PATJ: variants seen among roughly 807,000 people sequenced by gnomAD.
PATJ encodes PATJ crumbs cell polarity complex component, also known as inaD-like protein.
PATJ carries 190 observed loss-of-function variants against 224.9 expected under a neutral mutation model. The observed-to-expected ratio is 0.84, with a 90% CI of 0.75 to 0.95. PATJ has a LOEUF of 0.95. Ranked by LOEUF, PATJ falls within the 40% of genes least tolerant of loss-of-function variation. The probability of loss-of-function intolerance (pLI) is 0.00; values close to 1 mark genes in which losing one functional copy is unlikely to be tolerated. For missense variants in PATJ, 2,121 were observed against 2,270.3 expected (o/e 0.93, Z 1.34); for synonymous variants, 769 against 820.3 (o/e 0.94, Z 1.07).
At chr1:62,062,827 TCCTTTG>T (rs1194497766) in intron 31 of PATJ, among the ~76,000 whole-genome samples, 6 of 152,128 alleles carry the variant, frequency 3.9e-5, no homozygotes, top group African/African-American at 1.4e-4. Context: ...TGTGTTCTTG[TCCTTTG>T]CCTTTGCCTG....
At chr1:61,874,354 T>A (rs1208141049) in intron 20 of PATJ, among the ~76,000 whole-genome samples, 2 of 152,062 alleles carry the variant, frequency 1.3e-5, no homozygotes, top group Non-Finnish European at 2.9e-5. Flanking sequence ...TGCACCACCA[T>A]GCCTGGCTAA....
In PATJ at chr1:61,972,634, TAAGG is replaced by T. The variant is rs1414128581; in HGVS notation, c.3671-17529_3671-17526del. ...ACTTTAAGACACTCTCTATAAGAAA[TAAGG>T]AAGGGAAGTTTTGGCTGTGAGGGAG... On this transcript the variant is annotated intron_variant, in intron 27 of 43. Coordinates refer to ENST00000642238, the MANE Select transcript of PATJ (RefSeq NM_001350145.3). 5.9e-5 allele frequency among the ~76,000 whole-genome samples: 9 copies of T among 152,134 alleles called. No homozygotes were observed. In the South Asian group the frequency reaches 1.9e-3, roughly 32 times the overall value.
chr1:61,941,434 C>G (rs866992378), intron 27 of PATJ, among the ~76,000 whole-genome samples: 2 of 152,094 alleles, frequency 1.3e-5, no homozygotes, highest in African/African-American at 4.8e-5. Flanking sequence ...GCAGATCTCT[C>G]GAGATCAGGA....
chr1:61,919,420 G>A (rs2149254307), intron 26 of PATJ, among the ~76,000 whole-genome samples: 1 of 151,274 alleles, frequency 6.6e-6, no homozygotes, highest in South Asian at 2.1e-4. Context: ...CCTCCCATCT[G>A]AGCCTCCCAA....
chr1:61,969,812 G>A (rs1682691228), intron 27 of PATJ, among the ~76,000 whole-genome samples: 2 of 152,094 alleles, frequency 1.3e-5, no homozygotes, highest in African/African-American at 4.8e-5. Flanking sequence ...TCGTGCCTCA[G>A]CCGCCTGAGT....
At position 61,814,450 on chromosome 1, in the gene PATJ, T is replaced by C. The variant is rs77243018; in HGVS notation, c.1683+5920T>C. Reference sequence around the variant, plus strand: ...GAGCCACCGTGCCCGGCCGCATTATTCTCTTTACGTATTTAGTTGTTAGCT... The same window carrying C: ...GAGCCACCGTGCCCGGCCGCATTATCCTCTTTACGTATTTAGTTGTTAGCT... On this transcript the variant is annotated intron_variant, in intron 14 of 43. Transcript: ENST00000642238. 8.1e-3 allele frequency among the ~76,000 whole-genome samples: 1,230 copies of C among 152,132 alleles called. 13 individuals carry two copies. The highest frequency in any genetic ancestry group is 0.024 in the Middle Eastern group (7 of 294).
chr1:62,055,633 T>C (rs991191), intron 31 of PATJ, among the ~76,000 whole-genome samples: 63,668 of 152,060 alleles, frequency 0.42, 13,817 homozygotes, highest in African/African-American at 0.53. Context: ...AGGATGATGC[T>C]GTCATTCTGA....
chr1:61,887,133 A>C (rs916806055), intron 22 of PATJ, among the ~76,000 whole-genome samples: 1 of 152,024 alleles, frequency 6.6e-6, no homozygotes, highest in Admixed American at 6.6e-5. Context: ...AACTGAAGAG[A>C]ATTTTCTTTG....
At chr1:62,118,276 A>T (rs1320861828) in intron 37 of PATJ, among the ~76,000 whole-genome samples, 1 of 151,916 alleles carries the variant, frequency 6.6e-6, no homozygotes, top group Non-Finnish European at 1.5e-5. Context: ...ATGAGTTAAT[A>T]GTTAGTGATG....
At chr1:61,806,718 A>G (rs927941028) in intron 13 of PATJ, among the ~76,000 whole-genome samples, 1 of 151,980 alleles carries the variant, frequency 6.6e-6, no homozygotes, top group Non-Finnish European at 1.5e-5. Flanking sequence ...TCTTTGCTTC[A>G]CAGATTTTGA....
intron 1 of PATJ, among the ~76,000 whole-genome samples, chr1:61,757,715 C>T (rs1363796170): frequency 2.0e-5 from 3 of 152,132 alleles, no homozygotes; most frequent in Non-Finnish European, 2.9e-5. Flanking sequence ...AAATTAATAC[C>T]TGCAGCATTT....
intron 32 of PATJ, among the ~76,000 whole-genome samples, chr1:62,081,360 T>C (rs1378060378): frequency 6.6e-6 from 1 of 152,174 alleles, no homozygotes; most frequent in African/African-American, 2.4e-5. Flanking sequence ...CAAGCATTTA[T>C]TGAGGACTTG....
chr1:61,744,649 A>G (rs997580045), intron 1 of PATJ, among the ~76,000 whole-genome samples: 1 of 152,218 alleles, frequency 6.6e-6, no homozygotes, highest in East Asian at 1.9e-4. Context: ...TCACACCACT[A>G]CAGTCAACAC....
At chr1:61,764,186 A>G (rs1646135106) in intron 3 of PATJ, among the ~76,000 whole-genome samples, 1 of 152,110 alleles carries the variant, frequency 6.6e-6, no homozygotes, top group Non-Finnish European at 1.5e-5. Flanking sequence ...AGAAGTGATC[A>G]TGCCCTTATA....
At chr1:62,048,545 C>CAAAAAAAAAAAA (rs773157635) in intron 30 of PATJ, among the ~76,000 whole-genome samples, 4 of 66,162 alleles carry the variant, frequency 6.0e-5, no homozygotes, top group Non-Finnish European at 9.7e-5. Context: ...GACTCTGTCT[C>CAAAAAAAAAAAA]AAAAAAAAAA....
intron 14 of PATJ, among the ~76,000 whole-genome samples, chr1:61,814,134 T>C (rs1244923619): frequency 1.7e-4 from 24 of 140,792 alleles, no homozygotes; most frequent in African/African-American, 3.7e-4. Context: ...TCTCTTCTTT[T>C]TTTTTTTTTT....
chr1:61,904,783 C>G (rs947434196), intron 24 of PATJ, among the ~76,000 whole-genome samples: 55 of 152,200 alleles, frequency 3.6e-4, no homozygotes, highest in African/African-American at 1.3e-3. Flanking sequence ...TTCTGACAAC[C>G]AGTTTTCTGT....
At chr1:62,082,242 CT>C (rs1180431046) in intron 32 of PATJ, among the ~76,000 whole-genome samples, 1 of 152,156 alleles carries the variant, frequency 6.6e-6, no homozygotes, top group Non-Finnish European at 1.5e-5. Context: ...ACCAGGAGGC[CT>C]TTAGATTAAT....
chr1:62,081,747 A>G (rs149892733), intron 32 of PATJ, among the ~76,000 whole-genome samples: 1,969 of 152,124 alleles, frequency 0.013, 48 homozygotes, highest in African/African-American at 0.046. Context: ...TTGTATTTTT[A>G]GTAGAGACAG....
Sources: gnomAD v4.1 joint callset for allele counts (sites outside exome capture counted in the v4.1 genomes callset) on GRCh38, gnomAD v4.1.1 for gene constraint, MANE v1.5 for transcripts, NCBI Gene and HGNC (gene_info 2026-07-23, HGNC 2026-07-21) for gene names.